The following DLG2 variants were observed in gnomAD, a reference collection of about 807,000 sequenced individuals.
DLG2 encodes disks large homolog 2.
Under a neutral mutation model 132.5 loss-of-function variants are expected in DLG2, and 45 were observed. The observed-to-expected ratio is 0.34, with a 90% confidence interval of 0.27 to 0.44. The LOEUF is 0.44. DLG2 is among the 20% of genes least tolerant of loss of function. The pLI is 1.00. For missense variants in DLG2, 1,045 were observed against 1,196.9 expected, an observed-to-expected ratio of 0.87 and a Z score of 1.87; for synonymous variants, 424 against 419.6, an observed-to-expected ratio of 1.01 and a Z score of -0.13.
At chr11:83,811,413 A>G (rs2047232698) in intron 17 of DLG2, among the ~76,000 whole-genome samples, 1 of 152,076 alleles carries the variant, frequency 6.6e-6, no homozygotes, top group African/African-American at 2.4e-5. Context: ...AACTTGACCT[A>G]CAGAAATGGC....
At chr11:84,865,133 A>G (rs1383685482) in intron 6 of DLG2, among the ~76,000 whole-genome samples, 1 of 152,180 alleles carries the variant, frequency 6.6e-6, no homozygotes. Context: ...GCAACATCAT[A>G]TAACATAAAA....
At chr11:83,798,399 T>C (rs1213968337) in intron 17 of DLG2, among the ~76,000 whole-genome samples, 4 of 152,250 alleles carry the variant, frequency 2.6e-5, no homozygotes, top group African/African-American at 7.2e-5. Context: ...ATAGTTGCTA[T>C]GTGTATTATA....
intron 8 of DLG2, among the ~76,000 whole-genome samples, chr11:84,211,157 T>C (rs1207254278): frequency 6.6e-6 from 1 of 152,180 alleles, no homozygotes; most frequent in African/African-American, 2.4e-5. Context: ...CTGTAAAAAG[T>C]GATTATAGTC....
At chr11:83,881,119 C>T (rs2066144263) in intron 15 of DLG2, among the ~76,000 whole-genome samples, 1 of 152,084 alleles carries the variant, frequency 6.6e-6, no homozygotes, top group Admixed American at 6.5e-5. Flanking sequence ...TAGAAATGAA[C>T]TCATAGTTCC....
At chr11:83,780,733 C>T (rs2094780455) in intron 18 of DLG2, among the ~76,000 whole-genome samples, 1 of 152,156 alleles carries the variant, frequency 6.6e-6, no homozygotes, top group African/African-American at 2.4e-5. Context: ...CAAAGTAGAG[C>T]TGAATGGCAC....
intron 2 of DLG2, among the ~76,000 whole-genome samples, chr11:85,620,045 G>A (rs1014910498): frequency 6.6e-6 from 1 of 152,190 alleles, no homozygotes; most frequent in Admixed American, 6.5e-5. Context: ...TGACAACCCT[G>A]TGTCAAACAA....
intron 6 of DLG2, among the ~76,000 whole-genome samples, chr11:84,793,542 T>C (rs2074163084): frequency 6.6e-6 from 1 of 152,206 alleles, no homozygotes; most frequent in East Asian, 1.9e-4. Flanking sequence ...TATCTCTTTA[T>C]TTAGCTCTGA....
chr11:84,625,970 T>C (rs888250732), intron 6 of DLG2, among the ~76,000 whole-genome samples: 1 of 152,234 alleles, frequency 6.6e-6, no homozygotes, highest in Non-Finnish European at 1.5e-5. Context: ...GTGCCAAGCA[T>C]AGAATGTATT....
At chr11:84,861,245 G>T (rs34180762) in intron 6 of DLG2, among the ~76,000 whole-genome samples, 14,585 of 152,034 alleles carry the variant, frequency 0.096, 802 homozygotes, top group African/African-American at 0.11. Context: ...GAAAAAGAAA[G>T]GGGGATAAGC....
intron 11 of DLG2, among the ~76,000 whole-genome samples, chr11:84,047,962 G>C (rs1480020651): frequency 2.6e-5 from 4 of 151,522 alleles, no homozygotes; most frequent in South Asian, 2.1e-4. Context: ...TCTTAGGAGA[G>C]AGCTTGTTTA....
intron 6 of DLG2, among the ~76,000 whole-genome samples, chr11:84,897,470 G>C (rs572467431): frequency 6.6e-6 from 1 of 151,808 alleles, no homozygotes; most frequent in African/African-American, 2.4e-5. Context: ...ATTCTCCCAA[G>C]TAATTTCCTA....
chr11:85,530,147 C>T (rs1306299660), intron 3 of DLG2, among the ~76,000 whole-genome samples: 2 of 151,496 alleles, frequency 1.3e-5, no homozygotes, highest in Non-Finnish European at 2.9e-5. Flanking sequence ...CAGGCATACA[C>T]CACCACACCC....
intron 21 of DLG2, among the ~76,000 whole-genome samples, chr11:83,519,551 G>A (rs2095410161): frequency 6.6e-6 from 1 of 152,068 alleles, no homozygotes; most frequent in Non-Finnish European, 1.5e-5. Context: ...TTCTTTAAAA[G>A]GGGACCCTAT....
At chr11:84,586,065 C>A (rs1032229239) in intron 6 of DLG2, among the ~76,000 whole-genome samples, 5 of 150,290 alleles carry the variant, frequency 3.3e-5, no homozygotes, top group Non-Finnish European at 7.4e-5. Context: ...GCAGGAGAAT[C>A]GCTTGAACCT....
chr11:84,122,782 T>C (rs967791770), intron 9 of DLG2, among the ~76,000 whole-genome samples: 1 of 152,160 alleles, frequency 6.6e-6, no homozygotes, highest in Non-Finnish European at 1.5e-5. Context: ...GAAGGTTTTT[T>C]ATAATCTCGT....
chr11:84,107,011 T>TGGGAGAGAGA (rs375475609), intron 9 of DLG2, among the ~76,000 whole-genome samples: 1 of 107,176 alleles, frequency 9.3e-6, no homozygotes, highest in Non-Finnish European at 2.1e-5. Flanking sequence ...TGTGTGTGTG[T>TGGGAGAGAGA]GTGAGAGAGT....
intron 7 of DLG2, among the ~76,000 whole-genome samples, chr11:84,289,482 A>G (rs1051453311): frequency 2.6e-5 from 4 of 152,062 alleles, no homozygotes; most frequent in Admixed American, 1.3e-4. Flanking sequence ...TGGCCTCTGC[A>G]TCTCAGCTCA....
intron 19 of DLG2, chr11:83,631,606 T>C (rs190155937): frequency 1.3e-5 from 2 of 152,302 alleles, no homozygotes; most frequent in East Asian, 3.9e-4. Context: ...ATTAGTTTTA[T>C]ATAATATCAT....
At chr11:83,563,881 C>G (rs1444672557) in intron 19 of DLG2, among the ~76,000 whole-genome samples, 1 of 152,296 alleles carries the variant, frequency 6.6e-6, no homozygotes, top group Non-Finnish European at 1.5e-5. Flanking sequence ...TTCAATGTCT[C>G]TTTCATATTA....
Sources: allele counts gnomAD v4.1 joint callset (sites outside exome capture counted in the v4.1 genomes callset), GRCh38; gene constraint gnomAD v4.1.1; transcripts MANE v1.5; gene names NCBI Gene and HGNC (gene_info 2026-07-23, HGNC 2026-07-21).